The following VPS37C variants were observed in gnomAD, a reference collection of about 807,000 sequenced individuals.
The protein encoded by VPS37C is VPS37C subunit of ESCRT-I.
Under a neutral mutation model 16.1 loss-of-function variants are expected in VPS37C, and 9 were observed. The ratio of observed to expected loss-of-function variants is 0.56; its 90% CI spans 0.34 to 0.97. The LOEUF (loss-of-function observed/expected upper bound fraction) is 0.97. Ranked by LOEUF, VPS37C falls within the 50% of genes least tolerant of loss-of-function variation. The probability of loss-of-function intolerance (pLI) is 0.02; values close to 1 mark genes in which losing one functional copy is unlikely to be tolerated. For missense variants in VPS37C, 479 were observed against 472.7 expected (o/e 1.01, Z -0.12); for synonymous variants, 207 against 206.4 (o/e 1.00, Z -0.02).
At chr11:61,153,626 A>G (rs1853335210) in intron 1 of VPS37C, among the ~76,000 whole-genome samples, 1 of 152,200 alleles carries the variant, frequency 6.6e-6, no homozygotes, top group Admixed American at 6.5e-5. Flanking sequence ...TAAACACTGG[A>G]CATCAGACAG....
At chr11:61,160,548 G>C (rs755655448) in intron 1 of VPS37C, among the ~76,000 whole-genome samples, 22 of 152,224 alleles carry the variant, frequency 1.4e-4, no homozygotes, top group Non-Finnish European at 7.3e-5. Context: ...GAAGGGAAAT[G>C]AGTGGGAAGT....
intron 1 of VPS37C, among the ~76,000 whole-genome samples, chr11:61,158,294 G>A (rs749709037): frequency 4.6e-5 from 7 of 152,210 alleles, no homozygotes; most frequent in Non-Finnish European, 1.0e-4. Flanking sequence ...AAGTGTCAAT[G>A]TCCCTCTCTC....
At chr11:61,139,955 C>A (rs1244889941) in intron 1 of VPS37C, among the ~76,000 whole-genome samples, 1 of 152,102 alleles carries the variant, frequency 6.6e-6, no homozygotes, top group African/African-American at 2.4e-5. Context: ...TTTGACCAGG[C>A]TGGTCTCGAA....
At chr11:61,140,818 A>G (rs1181357877) in intron 1 of VPS37C, among the ~76,000 whole-genome samples, 3 of 152,230 alleles carry the variant, frequency 2.0e-5, no homozygotes, top group African/African-American at 7.2e-5. Context: ...ACAGGGTATC[A>G]GAAAGGTTAC....
chr11:61,158,498 T>C (rs1853413613), intron 1 of VPS37C, among the ~76,000 whole-genome samples: 1 of 152,226 alleles, frequency 6.6e-6, no homozygotes, highest in East Asian at 1.9e-4. Context: ...AATAGAGAAG[T>C]ATGTTCTCTA....
rs79158066 is a variant in VPS37C, at chr11:61,151,085, T to C, written c.-7+10306A>G. On this transcript the variant is annotated intron_variant, in intron 1 of 4. Coordinates refer to ENST00000301765, the MANE Select transcript of VPS37C (RefSeq NM_017966.5). ...TTTCCCAGGGAGGAAACGCAGAGCCTGAACTGCAACAGAGCCCGTCCAGCT... is the reference window on the plus strand; with the variant it reads ...TTTCCCAGGGAGGAAACGCAGAGCCCGAACTGCAACAGAGCCCGTCCAGCT... 7.7e-3 allele frequency among the ~76,000 whole-genome samples: 1,177 copies of C among 152,348 alleles called. 3 individuals carry two copies. The highest frequency in any genetic ancestry group is 0.026 in the South Asian group (127 of 4,832).
intron 1 of VPS37C, 41 bp from the exon 2 acceptor site, chr11:61,138,876 A>G (rs1335925354): frequency 3.2e-6 from 5 of 1,585,230 alleles, no homozygotes; most frequent in Non-Finnish European, 3.5e-6. Flanking sequence ...CAGGCAGCCC[A>G]AGACGAAGGG....
At chr11:61,151,354 T>C (rs1347625467) in intron 1 of VPS37C, among the ~76,000 whole-genome samples, 2 of 152,172 alleles carry the variant, frequency 1.3e-5, no homozygotes, top group Non-Finnish European at 2.9e-5. Context: ...TCCAAACAGA[T>C]GTACCGGCCC....
chr11:61,156,650 T>A (rs1437803641), intron 1 of VPS37C, among the ~76,000 whole-genome samples: 1 of 152,304 alleles, frequency 6.6e-6, no homozygotes, highest in South Asian at 2.1e-4. Context: ...ACTTTCAATA[T>A]AAAGACACAA....
chr11:61,146,602 G>A (rs746648363), intron 1 of VPS37C, among the ~76,000 whole-genome samples: 4 of 152,176 alleles, frequency 2.6e-5, no homozygotes, highest in Non-Finnish European at 4.4e-5. Context: ...GAGGGCTGCG[G>A]GGCAGGCGGC....
chr11:61,146,903 G>A (rs965759538), intron 1 of VPS37C, among the ~76,000 whole-genome samples: 1 of 152,228 alleles, frequency 6.6e-6, no homozygotes, highest in African/African-American at 2.4e-5. Flanking sequence ...GGTAGTAGGA[G>A]GCCAAGCGAC....
At chr11:61,143,258 A>C (rs1345911884) in intron 1 of VPS37C, 2 of 151,958 alleles carry the variant, frequency 1.3e-5, no homozygotes, top group Non-Finnish European at 2.9e-5. Context: ...TTTGGAATGA[A>C]AATGCCTTTT....
At chr11:61,139,381 T>A (rs1043140329) in intron 1 of VPS37C, among the ~76,000 whole-genome samples, 1 of 151,932 alleles carries the variant, frequency 6.6e-6, no homozygotes, top group Admixed American at 6.6e-5. Context: ...AGAATTCCCC[T>A]TAACTGCAGC....
chr11:61,160,158 A>T (rs1459009691), intron 1 of VPS37C, among the ~76,000 whole-genome samples: 1 of 152,162 alleles, frequency 6.6e-6, no homozygotes, highest in African/African-American at 2.4e-5. Context: ...CTACAATGAA[A>T]ATGTTCTACT....
Position 61,133,309 on chromosome 11 carries a change from C to G in VPS37C, c.294G>C (p.Gly98=), listed in dbSNP as rs780802800. ...LEKFSSALQP[G]TLLDLLQVEG... The stretch of plus-strand genomic sequence containing the variant: ...CCACCTGCAGAAGGTCTAACAAGGT[C>G]CCTGGCTGCAGTGCTGAAGAAAATT... The change falls in exon 4 of 5, where the codon GGG becomes GGC. Residue 98 remains glycine, a synonymous_variant. Transcript: ENST00000301765. The G allele has an allele frequency of 6.2e-7, 1 of 1,614,184 alleles. No individual in the cohort carries two copies. The highest frequency in any genetic ancestry group is 2.2e-5 in the East Asian group (1 of 44,886).
At chr11:61,152,201 G>C (rs1034177167) in intron 1 of VPS37C, among the ~76,000 whole-genome samples, 1 of 152,176 alleles carries the variant, frequency 6.6e-6, no homozygotes, top group Non-Finnish European at 1.5e-5. Flanking sequence ...ACTCACTGAG[G>C]TTTGGCCATC....
At chr11:61,139,476 G>A (rs1445061486) in intron 1 of VPS37C, among the ~76,000 whole-genome samples, 1 of 151,692 alleles carries the variant, frequency 6.6e-6, no homozygotes, top group African/African-American at 2.4e-5. Context: ...ATTTGGCCTA[G>A]CAGGCAATCA....
chr11:61,159,579 G>A (rs1191912396), intron 1 of VPS37C, among the ~76,000 whole-genome samples: 1 of 151,996 alleles, frequency 6.6e-6, no homozygotes, highest in Non-Finnish European at 1.5e-5. Flanking sequence ...TGGATCACCT[G>A]AGCTCAGGAG....
In VPS37C at chr11:61,132,080, G is replaced by A. The variant is rs1352653031; in HGVS notation, c.808C>T (p.Pro270Ser). The A allele has an allele frequency of 9.3e-6, 13 of 1,398,742 alleles. No homozygotes were observed. In the East Asian group the frequency reaches 2.9e-4, roughly 31 times the overall value. 86.6% of individuals were successfully genotyped at this position (1,398,742 alleles called of 1,614,324 possible). Reference sequence around the variant, plus strand: ...CCCATTGGGGTCCCAGGATAGCCCGGCCGGGGTGGCATGCTCCTCTGTGGG... The same window carrying A: ...CCCATTGGGGTCCCAGGATAGCCCGACCGGGGTGGCATGCTCCTCTGTGGG... ...WSPQRSMPPR[P>S]GYPGTPMGAS... Residue 270 changes from proline (P) to serine (S), a missense_variant, in exon 5 of 5, where the codon CCG (proline) becomes TCG (serine). Pro to Ser is a moderately conservative substitution (Grantham distance 74, BLOSUM62 -1). Transcript: ENST00000301765.
Sources: allele counts gnomAD v4.1 joint callset (sites outside exome capture counted in the v4.1 genomes callset), GRCh38; gene constraint gnomAD v4.1.1; transcripts MANE v1.5; gene names NCBI Gene and HGNC (gene_info 2026-07-23, HGNC 2026-07-21).